The following LDB2 variants were observed in gnomAD, a reference collection of about 807,000 sequenced individuals.
LDB2 encodes LIM domain-binding protein 2.
A neutral mutation model predicts 44.3 loss-of-function variants in LDB2; 12 were observed. The ratio of observed to expected loss-of-function variants is 0.27; its 90% confidence interval spans 0.17 to 0.44. LDB2 has a LOEUF of 0.44. Among genes scored for constraint, LDB2 ranks in the 20% least tolerant of loss-of-function variants. The pLI, the probability that LDB2 is intolerant of heterozygous loss-of-function variation, is 1.00. For synonymous variants in LDB2, 164 were observed against 174.8 expected (o/e 0.94, Z 0.49); for missense variants, 344 against 473.5 (o/e 0.73, Z 2.54).
chr4:16,688,202 A>G (rs1039704870), intron 2 of LDB2, among the ~76,000 whole-genome samples: 2 of 152,242 alleles, frequency 1.3e-5, no homozygotes, highest in Non-Finnish European at 2.9e-5. Flanking sequence ...TCCCCACAGT[A>G]GGAATACAGA....
chr4:16,723,811 T>C (rs1164602929), intron 2 of LDB2, among the ~76,000 whole-genome samples: 1 of 152,102 alleles, frequency 6.6e-6, no homozygotes, highest in African/African-American at 2.4e-5. Flanking sequence ...CTAAAATGCC[T>C]GTGAATGAGA....
chr4:16,737,440 T>C (rs1271646074), intron 2 of LDB2, among the ~76,000 whole-genome samples: 1 of 152,166 alleles, frequency 6.6e-6, no homozygotes, highest in Non-Finnish European at 1.5e-5. Flanking sequence ...TTTTTTCTTT[T>C]GTGAATTTAT....
At chr4:16,756,930 A>C (rs1477928830) in intron 2 of LDB2, among the ~76,000 whole-genome samples, 1 of 151,034 alleles carries the variant, frequency 6.6e-6, no homozygotes, top group African/African-American at 2.4e-5. Flanking sequence ...AATATCTCTT[A>C]TTATTTCATA....
At chr4:16,834,501 G>A (rs1342301394) in intron 1 of LDB2, among the ~76,000 whole-genome samples, 2 of 152,190 alleles carry the variant, frequency 1.3e-5, no homozygotes, top group East Asian at 1.9e-4. Context: ...TCACCCCTAC[G>A]AGCACGTGAC....
intron 5 of LDB2, among the ~76,000 whole-genome samples, chr4:16,570,502 A>AAAAAAAAAAAAG (rs1746115781): frequency 6.9e-6 from 1 of 144,954 alleles, no homozygotes; most frequent in African/African-American, 2.6e-5. Context: ...AAAAAAAAAA[A>AAAAAAAAAAAAG]AAGTTTACAT....
At chr4:16,609,048 T>C (rs1016023217) in intron 2 of LDB2, among the ~76,000 whole-genome samples, 1 of 152,126 alleles carries the variant, frequency 6.6e-6, no homozygotes, top group Non-Finnish European at 1.5e-5. Flanking sequence ...AATCAAGGTA[T>C]CCATGTTCTC....
intron 1 of LDB2, among the ~76,000 whole-genome samples, chr4:16,877,112 A>C (rs1392636025): frequency 6.6e-6 from 1 of 152,150 alleles, no homozygotes; most frequent in Non-Finnish European, 1.5e-5. Flanking sequence ...TGTTACCTTT[A>C]ATATGCAACT....
intron 4 of LDB2, among the ~76,000 whole-genome samples, 178 bp from the exon 5 acceptor site, chr4:16,586,183 G>A (rs755682959): frequency 6.6e-6 from 1 of 152,114 alleles, no homozygotes; most frequent in Non-Finnish European, 1.5e-5. Flanking sequence ...TAACACTCAA[G>A]GACATTTTCA....
intron 2 of LDB2, among the ~76,000 whole-genome samples, chr4:16,628,004 G>A (rs543997203): frequency 3.3e-5 from 5 of 152,196 alleles, no homozygotes; most frequent in South Asian, 2.1e-4. Context: ...ATGCCTGCAC[G>A]GTTAAAGAAA....
At chr4:16,697,195 C>T (rs183858185) in intron 2 of LDB2, among the ~76,000 whole-genome samples, 70 of 151,568 alleles carry the variant, frequency 4.6e-4, no homozygotes, top group Non-Finnish European at 8.5e-4. Context: ...GAGGCTGAGG[C>T]GGGCGGATCA....
intron 5 of LDB2, among the ~76,000 whole-genome samples, chr4:16,551,743 C>G (rs957377605): frequency 7.9e-5 from 12 of 152,252 alleles, no homozygotes; most frequent in African/African-American, 2.4e-4. Flanking sequence ...TCTCAAACTC[C>G]TGACCTCAGG....
chr4:16,699,857 T>C (rs1051510197), intron 2 of LDB2, among the ~76,000 whole-genome samples: 1 of 152,150 alleles, frequency 6.6e-6, no homozygotes, highest in East Asian at 1.9e-4. Flanking sequence ...ATTCCCAATA[T>C]GGCGAACGCT....
Position 16,576,349 on chromosome 4 carries a change from A to T in LDB2, c.615+9573T>A, listed in dbSNP as rs142861726. 6.9e-3 allele frequency among the ~76,000 whole-genome samples: 1,030 copies of T among 149,642 alleles called. 7 individuals carry two copies. Among genetic ancestry groups the T allele is most frequent in the African/African-American group, 9.3e-3 (381 of 40,942 alleles). On this transcript the variant is annotated intron_variant, in intron 5 of 7. Transcript: ENST00000304523. ...TTAGAAAAACCTTGAGCCAGATTTT[A>T]AAAAAAAAAGACAGTAGAACCAAAT...
chr4:16,811,691 G>A (rs1237476269), intron 1 of LDB2, among the ~76,000 whole-genome samples: 1 of 152,158 alleles, frequency 6.6e-6, no homozygotes, highest in Non-Finnish European at 1.5e-5. Context: ...TTACAATACA[G>A]ACACACGTGT....
intron 2 of LDB2, among the ~76,000 whole-genome samples, chr4:16,727,259 C>T (rs1759704612): frequency 6.6e-6 from 1 of 152,134 alleles, no homozygotes; most frequent in African/African-American, 2.4e-5. Context: ...GGTTTTTCTC[C>T]TAGGAGAAGA....
At chr4:16,845,331 C>G (rs1212405927) in intron 1 of LDB2, among the ~76,000 whole-genome samples, 1 of 152,214 alleles carries the variant, frequency 6.6e-6, no homozygotes, top group Non-Finnish European at 1.5e-5. Flanking sequence ...TCAGCTCTTT[C>G]TGTGACTATC....
intron 2 of LDB2, among the ~76,000 whole-genome samples, chr4:16,668,155 T>A (rs147037189): frequency 2.2e-5 from 1 of 44,586 alleles, no homozygotes; most frequent in South Asian, 7.7e-4. Context: ...ATACGATAAA[T>A]ATATATATAT....
chr4:16,722,554 A>T (rs528006813), intron 2 of LDB2, among the ~76,000 whole-genome samples: 86 of 152,306 alleles, frequency 5.6e-4, no homozygotes, highest in African/African-American at 2.0e-3. Context: ...TAAGATGTGT[A>T]TCAACTGTCA....
intron 1 of LDB2, among the ~76,000 whole-genome samples, chr4:16,881,200 T>C (rs1028996376): frequency 3.5e-4 from 54 of 152,338 alleles, no homozygotes; most frequent in African/African-American, 1.1e-3. Flanking sequence ...GCAGCGGAGC[T>C]GACAAGTGAA....
Sources: allele counts gnomAD v4.1 joint callset (sites outside exome capture counted in the v4.1 genomes callset), GRCh38; gene constraint gnomAD v4.1.1; transcripts MANE v1.5; gene names NCBI Gene and HGNC (gene_info 2026-07-23, HGNC 2026-07-21).